ASIC5: variants seen among roughly 807,000 people sequenced by gnomAD.
The protein encoded by ASIC5 is bile acid-sensitive ion channel.
Under a neutral mutation model 51.2 loss-of-function variants are expected in ASIC5, and 52 were observed. The ratio of observed to expected loss-of-function variants is 1.02; its 90% CI spans 0.81 to 1.28. The LOEUF (loss-of-function observed/expected upper bound fraction) is 1.28. Among genes scored for constraint, ASIC5 ranks in the 50% most tolerant of loss-of-function variants. The pLI is 0.00. For synonymous variants in ASIC5, 231 were observed against 200.7 expected (o/e 1.15, Z -1.28); for missense variants, 635 against 595.0 (o/e 1.07, Z -0.70).
chr4:155,855,199 TC>T (rs1248475596), intron 2 of ASIC5: 1 of 152,028 alleles, frequency 6.6e-6, no homozygotes, highest in Non-Finnish European at 1.5e-5. Context: ...AATTTTTTTT[TC>T]ATTTCCCTCT....
intron 8 of ASIC5, among the ~76,000 whole-genome samples, chr4:155,835,036 C>T (rs1038291528): frequency 2.0e-5 from 3 of 152,180 alleles, no homozygotes; most frequent in Non-Finnish European, 1.5e-5. Context: ...TAAAACCTTG[C>T]ACCCATCCTT....
intron 8 of ASIC5, among the ~76,000 whole-genome samples, chr4:155,834,255 G>A (rs1012794418): frequency 3.3e-5 from 5 of 152,176 alleles, no homozygotes; most frequent in African/African-American, 1.2e-4. Context: ...TGACCATGAA[G>A]TAGCATTTAT....
Position 155,830,048 on chromosome 4 carries a change from T to C in ASIC5, c.1328-2A>G. ...GACCCAGCTGACCACCAAGATCTGC[T>C]GTAATAAAACCAATAAAGATTGAAT... On this transcript the variant is annotated splice_acceptor_variant, in intron 9 of 9. Coordinates refer to ENST00000537611, the MANE Select transcript of ASIC5 (RefSeq NM_017419.3). LOFTEE classifies it high-confidence loss of function. 1 of 1,527,776 alleles carries C rather than the reference T, an allele frequency of 6.5e-7. No individual in the cohort carries two copies. The highest frequency in any genetic ancestry group is 8.8e-7 in the Non-Finnish European group (1 of 1,141,086). 94.6% of individuals were successfully genotyped at this position (1,527,776 alleles called of 1,614,324 possible).
At chr4:155,839,415 G>A (rs974014694) in intron 6 of ASIC5, among the ~76,000 whole-genome samples, 1 of 151,636 alleles carries the variant, frequency 6.6e-6, no homozygotes, top group East Asian at 1.9e-4. Flanking sequence ...CCAGAAGTAG[G>A]ATGGGGAGGG....
At chr4:155,838,628 G>C (rs1300237250) in intron 7 of ASIC5, among the ~76,000 whole-genome samples, 185 bp downstream of exon 7, 2 of 151,936 alleles carry the variant, frequency 1.3e-5, no homozygotes, top group Admixed American at 1.3e-4. Context: ...AATATCAGAG[G>C]GTTTTTGTTT....
intron 4 of ASIC5, among the ~76,000 whole-genome samples, chr4:155,851,937 G>A (rs988114326): frequency 6.6e-6 from 1 of 151,900 alleles, no homozygotes; most frequent in Non-Finnish European, 1.5e-5. Context: ...TTATTTTGTG[G>A]CATGAACATT....
intron 9 of ASIC5, among the ~76,000 whole-genome samples, chr4:155,831,461 T>TA (rs1216498433): frequency 1.3e-5 from 2 of 152,116 alleles, no homozygotes; most frequent in Admixed American, 1.3e-4. Flanking sequence ...AAAAAACTGA[T>TA]AAAAATTTTT....
At chr4:155,864,014 G>T (rs573772298) in intron 1 of ASIC5, among the ~76,000 whole-genome samples, 2 of 152,206 alleles carry the variant, frequency 1.3e-5, no homozygotes, top group Admixed American at 1.3e-4. Context: ...TTAGTGGTAT[G>T]GTATTAATAG....
intron 4 of ASIC5, among the ~76,000 whole-genome samples, chr4:155,845,974 T>A (rs2111244849): frequency 6.6e-6 from 1 of 152,170 alleles, no homozygotes; most frequent in African/African-American, 2.4e-5. Context: ...AATGTACCTT[T>A]ATTGGCATAC....
chr4:155,849,297 G>A (rs1405839354), intron 4 of ASIC5, among the ~76,000 whole-genome samples: 1 of 151,982 alleles, frequency 6.6e-6, no homozygotes, highest in Admixed American at 6.6e-5. Context: ...GAGTGGCGAG[G>A]AGATTCACCC....
At chr4:155,831,493 C>A (rs748429280) in intron 9 of ASIC5, among the ~76,000 whole-genome samples, 1 of 152,044 alleles carries the variant, frequency 6.6e-6, no homozygotes, top group Non-Finnish European at 1.5e-5. Context: ...GCAATTAGGC[C>A]GGGCATGGTG....
At chr4:155,833,046 C>A (rs1740904626) in intron 8 of ASIC5, among the ~76,000 whole-genome samples, 1 of 152,154 alleles carries the variant, frequency 6.6e-6, no homozygotes, top group South Asian at 2.1e-4. Context: ...ATACAGTGGT[C>A]ACCAATTTCC....
chr4:155,851,828 C>G (rs553991729), intron 4 of ASIC5, among the ~76,000 whole-genome samples: 1 of 151,900 alleles, frequency 6.6e-6, no homozygotes. Context: ...CTTTCTAAAA[C>G]GTGATATTTA....
intron 8 of ASIC5, among the ~76,000 whole-genome samples, chr4:155,836,216 G>A (rs1740975936): frequency 1.3e-5 from 2 of 152,056 alleles, no homozygotes; most frequent in Non-Finnish European, 2.9e-5. Flanking sequence ...AAAGTTCTTG[G>A]GCATAACTTC....
At chr4:155,844,939 G>A (rs1354660184) in intron 4 of ASIC5, among the ~76,000 whole-genome samples, 1 of 151,944 alleles carries the variant, frequency 6.6e-6, no homozygotes, top group African/African-American at 2.4e-5. Context: ...AACACAGGAC[G>A]ACCAATCTTG....
rs781668824 is a variant in ASIC5 at position 155,842,233 on chromosome 4, C to T, written c.983G>A (p.Cys328Tyr). Residue 328 changes from cysteine to tyrosine, a missense_variant, in exon 6 of 10, where the codon TGT becomes TAT. Cys to Tyr is a radical substitution (Grantham distance 194, BLOSUM62 -2). Coordinates refer to ENST00000537611, the MANE Select transcript of ASIC5 (RefSeq NM_017419.3). ...AGGAAGAAGAAAAGGCACACATCCACATTGCTTTTTTATGTGCTGGGCTTT... is the reference window on the plus strand; with the variant it reads ...AGGAAGAAGAAAAGGCACACATCCATATTGCTTTTTTATGTGCTGGGCTTT... The part of the protein sequence containing the change: ...ECKAQHIKKQ[C>Y]GCVPFLLPGY... The T allele has an allele frequency of 3.1e-6, 5 of 1,613,490 alleles. No homozygotes were observed. In the African/African-American group the frequency reaches 4.0e-5, roughly 13 times the overall value.
rs573977425 is a variant in ASIC5 at position 155,839,208 on chromosome 4, T to A, written c.1010-339A>T. ...ACAGTTATCATCTCATTTGATATGG[T>A]TCACAATCCTGTCATATGAGAATTT... On this transcript the variant is annotated intron_variant, in intron 6 of 9. Transcript: ENST00000537611. Among the ~76,000 whole-genome samples, 15 of 152,274 alleles carry A rather than the reference T, an allele frequency of 9.9e-5. No individual in the cohort carries two copies. In the South Asian group the frequency reaches 3.1e-3, roughly 32 times the overall value.
intron 3 of ASIC5, among the ~76,000 whole-genome samples, chr4:155,853,749 A>G (rs1287511310): frequency 1.3e-5 from 2 of 151,634 alleles, no homozygotes; most frequent in East Asian, 3.9e-4. Context: ...TAAAAATACT[A>G]TGTTGGAATA....
intron 7 of ASIC5, 43 bp downstream of exon 7, chr4:155,838,770 C>T: frequency 8.0e-7 from 1 of 1,256,894 alleles, no homozygotes. Flanking sequence ...CTTTGAGCAA[C>T]TTTAATATAA....
Sources: gnomAD v4.1 joint callset for allele counts (sites outside exome capture counted in the v4.1 genomes callset) on GRCh38, gnomAD v4.1.1 for gene constraint, MANE v1.5 for transcripts, NCBI Gene and HGNC (gene_info 2026-07-23, HGNC 2026-07-21) for gene names.